The following PRELID2 variants were observed in gnomAD, a reference collection of about 807,000 sequenced individuals.
The protein encoded by PRELID2 is PRELI domain-containing protein 2.
A neutral mutation model predicts 28.4 loss-of-function variants in PRELID2; 25 were observed. That is an observed-to-expected ratio of 0.88 (90% CI 0.64 to 1.23). The LOEUF (loss-of-function observed/expected upper bound fraction) is 1.23, where lower values mean the gene tolerates loss of function less well. Among genes scored for constraint, PRELID2 ranks in the 50% most tolerant of loss-of-function variants. PRELID2 has a pLI of 0.00. For missense variants in PRELID2, 201 were observed against 214.4 expected, an observed-to-expected ratio of 0.94 and a Z score of 0.39; for synonymous variants, 76 against 71.6, an observed-to-expected ratio of 1.06 and a Z score of -0.31.
At chr5:145,273,742 A>G in the PRELID2 span, among the ~76,000 whole-genome samples, 1 of 152,166 alleles carries the variant, frequency 6.6e-6, no homozygotes, top group African/African-American at 2.4e-5. Context: ...TACTCTGAAG[A>G]AAAAAATCAC....
the PRELID2 span, among the ~76,000 whole-genome samples, chr5:145,266,060 A>G: frequency 9.3e-4 from 142 of 152,350 alleles, 1 homozygote; most frequent in African/African-American, 3.3e-3. Flanking sequence ...TCCACAATCT[A>G]TACTGCCAAC....
At chr5:145,669,425 C>T (rs889666077) in intron 1 of PRELID2, among the ~76,000 whole-genome samples, 3 of 152,058 alleles carry the variant, frequency 2.0e-5, no homozygotes, top group Non-Finnish European at 2.9e-5. Context: ...CCAGTATTAT[C>T]AACCCAGAGA....
intron 1 of PRELID2, among the ~76,000 whole-genome samples, chr5:145,691,697 G>A (rs1395589491): frequency 1.3e-5 from 2 of 151,954 alleles, no homozygotes; most frequent in Admixed American, 6.6e-5. Context: ...CAGCCTGGGC[G>A]ACAGAGTGAG....
At chr5:145,367,013 T>C in the PRELID2 span, among the ~76,000 whole-genome samples, 18 of 150,484 alleles carry the variant, frequency 1.2e-4, no homozygotes, top group Non-Finnish European at 1.5e-5. Flanking sequence ...ATCAGGTTTC[T>C]AGCATTTTTT....
intron 1 of PRELID2, among the ~76,000 whole-genome samples, chr5:145,483,031 C>T (rs544622526): frequency 6.6e-6 from 1 of 152,164 alleles, no homozygotes; most frequent in Non-Finnish European, 1.5e-5. Context: ...GTTGAGGACA[C>T]CTGTCGAACA....
the PRELID2 span, among the ~76,000 whole-genome samples, chr5:145,384,336 C>T: frequency 4.5e-3 from 690 of 152,130 alleles, 2 homozygotes; most frequent in African/African-American, 0.016. Flanking sequence ...TTCATGATAT[C>T]CAAAACTGAA....
intron 1 of PRELID2, among the ~76,000 whole-genome samples, chr5:145,578,029 T>C (rs1753076204): frequency 6.6e-6 from 1 of 152,104 alleles, no homozygotes; most frequent in Non-Finnish European, 1.5e-5. Flanking sequence ...AGAAAATTTT[T>C]CTTACTAATT....
chr5:145,408,015 G>A, the PRELID2 span, among the ~76,000 whole-genome samples: 1 of 152,000 alleles, frequency 6.6e-6, no homozygotes, highest in Non-Finnish European at 1.5e-5. Flanking sequence ...GAGCCCAGTA[G>A]CCCTACTGGG....
At chr5:145,664,311 TAA>T (rs761091934) in intron 1 of PRELID2, among the ~76,000 whole-genome samples, 2 of 152,146 alleles carry the variant, frequency 1.3e-5, no homozygotes, top group Non-Finnish European at 2.9e-5. Flanking sequence ...CCTTGGATTC[TAA>T]AAAATAATTG....
chr5:145,777,442 C>G (rs1190159834), intron 5 of PRELID2, among the ~76,000 whole-genome samples: 1 of 152,202 alleles, frequency 6.6e-6, no homozygotes, highest in Non-Finnish European at 1.5e-5. Flanking sequence ...GTCCCACTGT[C>G]TAGTTTAAAT....
intron 1 of PRELID2, 103 bp from the exon 2 acceptor site, chr5:145,823,237 G>T: frequency 1.7e-6 from 1 of 588,172 alleles, no homozygotes. Flanking sequence ...TATTTTCCAA[G>T]AAACTTCTAA....
intron 5 of PRELID2, among the ~76,000 whole-genome samples, chr5:145,794,672 T>G (rs994883131): frequency 3.9e-5 from 6 of 152,142 alleles, no homozygotes; most frequent in Non-Finnish European, 5.9e-5. Context: ...CGGGTATGCT[T>G]ATCTTTTAAG....
the PRELID2 span, among the ~76,000 whole-genome samples, chr5:145,253,240 T>A: frequency 6.6e-6 from 1 of 152,288 alleles, no homozygotes; most frequent in Non-Finnish European, 1.5e-5. Context: ...GATATTCTAT[T>A]GAGGTAGAAC....
chr5:145,407,823 T>G, the PRELID2 span, among the ~76,000 whole-genome samples: 1 of 152,264 alleles, frequency 6.6e-6, no homozygotes, highest in Non-Finnish European at 1.5e-5. Flanking sequence ...ACAACTTCAC[T>G]GCTACCCTAA....
chr5:145,438,465 C>G, the PRELID2 span, among the ~76,000 whole-genome samples: 1 of 152,048 alleles, frequency 6.6e-6, no homozygotes, highest in Non-Finnish European at 1.5e-5. Flanking sequence ...CATGGGCAAC[C>G]CTAAATAAAC....
At position 145,831,805 on chromosome 5, in the gene PRELID2, T is replaced by G. The variant is rs537097505; in HGVS notation, c.75+3372A>C. ...GTTTCCCAGTTCTGCCCTTCCCAGT[T>G]CTGCCTTTTCATAGTACTTATTCAC... On this transcript the variant is annotated intron_variant, in intron 1 of 6. Transcript: ENST00000683046. 2.0e-5 allele frequency among the ~76,000 whole-genome samples: 3 copies of G among 152,340 alleles called. No homozygotes were observed. In the South Asian group the frequency reaches 6.2e-4, roughly 32 times the overall value.
intron 1 of PRELID2, among the ~76,000 whole-genome samples, chr5:145,677,852 G>A (rs1019121817): frequency 1.3e-5 from 2 of 152,130 alleles, no homozygotes; most frequent in Non-Finnish European, 1.5e-5. Flanking sequence ...AGTGGCTCAC[G>A]CCTGTAATCC....
chr5:145,540,664 C>A, intron 1 of PRELID2, among the ~76,000 whole-genome samples: 1 of 146,656 alleles, frequency 6.8e-6, no homozygotes, highest in Admixed American at 6.8e-5. Flanking sequence ...ATTTAAGACC[C>A]ATTTTTTCTA....
chr5:145,280,345 T>A, the PRELID2 span, among the ~76,000 whole-genome samples: 1 of 152,182 alleles, frequency 6.6e-6, no homozygotes, highest in East Asian at 1.9e-4. Flanking sequence ...AAACTGCAAC[T>A]GGAAATAATT....
Sources: allele counts gnomAD v4.1 joint callset (sites outside exome capture counted in the v4.1 genomes callset), GRCh38; gene constraint gnomAD v4.1.1; transcripts MANE v1.5; gene names NCBI Gene and HGNC (gene_info 2026-07-23, HGNC 2026-07-21).